NRK: variants seen among roughly 807,000 people sequenced by gnomAD.
NRK encodes nik-related protein kinase.
A neutral mutation model predicts 125.2 loss-of-function variants in NRK; 67 were observed. The ratio of observed to expected loss-of-function variants is 0.54; its 90% CI spans 0.44 to 0.66. The LOEUF (loss-of-function observed/expected upper bound fraction) is 0.66. NRK is among the 30% of genes least tolerant of loss of function. The pLI is 0.00. For synonymous variants in NRK, 458 were observed against 429.0 expected (o/e 1.07, Z -0.84); for missense variants, 1,224 against 1,192.9 (o/e 1.03, Z -0.38).
Position 105,898,599 on chromosome X carries a change from G to A in NRK, c.596G>A (p.Ser199Asn). 1 of 1,199,450 alleles carries A rather than the reference G, an allele frequency of 8.3e-7. No individual in the cohort carries two copies. Residue 199 changes from serine to asparagine, a missense_variant, in exon 8 of 29, where the codon AGT becomes AAT. Ser to Asn is a conservative substitution (Grantham distance 46). Coordinates refer to ENST00000243300, the MANE Select transcript of NRK (RefSeq NM_198465.4). Reference protein sequence around the residue: ...AEVKLVDFGVSAQVSRTNGRR... With the variant: ...AEVKLVDFGVNAQVSRTNGRR... ...TTTTTGGCAGTTGATTTTGGAGTGA[G>A]TGCCCAGGTGAGCAGAACTAATGGA... is the stretch of plus-strand genomic sequence containing the variant.
chrX:105,864,020 TA>T (rs1178319959), intron 2 of NRK, among the ~76,000 whole-genome samples: 1 of 112,448 alleles, frequency 8.9e-6, no homozygotes, highest in East Asian at 2.8e-4. Context: ...ATGAAAATAA[TA>T]AAAAGTTGTA....
chrX:105,877,276 C>T (rs1357853127), intron 2 of NRK, among the ~76,000 whole-genome samples: 2 of 111,545 alleles, frequency 1.8e-5, no homozygotes, highest in Non-Finnish European at 3.8e-5. Context: ...ACAGGAAAGA[C>T]TGAGGACTTG....
chrX:105,931,088 G>C (rs990512802), intron 19 of NRK, among the ~76,000 whole-genome samples: 1 of 112,613 alleles, frequency 8.9e-6, no homozygotes, highest in Non-Finnish European at 1.9e-5. Flanking sequence ...CTGCTGAGCT[G>C]TTTCTCTGGC....
chrX:105,935,895 G>A (rs1262994743), intron 21 of NRK, among the ~76,000 whole-genome samples: 1 of 108,881 alleles, frequency 9.2e-6, no homozygotes, highest in Non-Finnish European at 1.9e-5. Context: ...TTAGGGTAGT[G>A]TTCAACATGT....
Position 105,906,501 on chromosome X carries a change from A to G in NRK, c.933A>G (p.Pro311=), listed in dbSNP as rs762441833. Residue 311 remains proline, a synonymous_variant, in exon 11 of 29, where the codon CCA becomes CCG. Transcript: ENST00000243300. ...RPTSANMLQH[P]FVRDIKNERH... is the part of the protein sequence containing the mutation. Reference sequence around the variant, plus strand: ...CTTCTGCAAACATGCTTCAACACCCATTTGTTCGGGATATAAAAAATGAAC... The same window carrying G: ...CTTCTGCAAACATGCTTCAACACCCGTTTGTTCGGGATATAAAAAATGAAC... 1.3e-4 allele frequency: 150 copies of G among 1,160,970 alleles called. No homozygotes were observed. The highest frequency in any genetic ancestry group is 1.7e-4 in the Non-Finnish European group (143 of 859,697).
intron 26 of NRK, among the ~76,000 whole-genome samples, chrX:105,947,316 G>A (rs921876517): frequency 2.6e-5 from 2 of 76,518 alleles, no homozygotes; most frequent in African/African-American, 1.6e-4. Context: ...AGTGGCGGGC[G>A]CCTGTAGTCC....
chrX:105,899,733 C>A (rs1004213017), intron 8 of NRK, among the ~76,000 whole-genome samples: 1 of 111,229 alleles, frequency 9.0e-6, no homozygotes, highest in Non-Finnish European at 1.9e-5. Flanking sequence ...AGTTAACCTC[C>A]GAGGCCGCAG....
At chrX:105,940,830 G>A (rs184323490) in intron 23 of NRK, among the ~76,000 whole-genome samples, 2 of 111,550 alleles carry the variant, frequency 1.8e-5, no homozygotes, top group Admixed American at 9.5e-5. Flanking sequence ...GCATAGGTGA[G>A]AAATAGCTGG....
At chrX:105,874,679 A>G (rs2039790621) in intron 2 of NRK, among the ~76,000 whole-genome samples, 2 of 112,031 alleles carry the variant, frequency 1.8e-5, no homozygotes, top group Admixed American at 1.9e-4. Context: ...TGTGAGCAGT[A>G]TCTTAAATTC....
chrX:105,895,292 T>C, intron 6 of NRK, 141 bp from the exon 7 acceptor site: 1 of 548,009 alleles, frequency 1.8e-6, no homozygotes, highest in Middle Eastern at 3.1e-4. Flanking sequence ...AAAGAAAGAA[T>C]TGTGTCTGAA....
intron 19 of NRK, among the ~76,000 whole-genome samples, chrX:105,925,956 A>G (rs1328270930): frequency 1.8e-5 from 2 of 110,658 alleles, no homozygotes; most frequent in Non-Finnish European, 3.8e-5. Context: ...TTTTTTTGAG[A>G]TATGTACCTA....
At chrX:105,900,440 C>T (rs1404682471) in intron 8 of NRK, among the ~76,000 whole-genome samples, 178 bp from the exon 9 acceptor site, 1 of 111,722 alleles carries the variant, frequency 9.0e-6, no homozygotes, top group Non-Finnish European at 1.9e-5. Flanking sequence ...ACTGGCTGGT[C>T]AGTAGCTCAG....
At chrX:105,901,836 A>G (rs1338936073) in intron 9 of NRK, among the ~76,000 whole-genome samples, 1 of 111,001 alleles carries the variant, frequency 9.0e-6, no homozygotes, top group Non-Finnish European at 1.9e-5. Context: ...TACATACGAC[A>G]CATATATAAA....
chrX:105,846,671 T>A (rs771564231), intron 2 of NRK, among the ~76,000 whole-genome samples: 1 of 111,436 alleles, frequency 9.0e-6, no homozygotes, highest in Non-Finnish European at 1.9e-5. Flanking sequence ...AGAAACAACG[T>A]CACCATCTCT....
At chrX:105,874,696 A>G (rs906029529) in intron 2 of NRK, among the ~76,000 whole-genome samples, 2 of 111,905 alleles carry the variant, frequency 1.8e-5, no homozygotes, top group Non-Finnish European at 3.8e-5. Context: ...ATTCAGGGAC[A>G]TGCAACATAT....
intron 2 of NRK, among the ~76,000 whole-genome samples, chrX:105,871,183 G>T (rs957095045): frequency 9.0e-6 from 1 of 111,431 alleles, no homozygotes; most frequent in Non-Finnish European, 1.9e-5. Context: ...AAGAGCCTTG[G>T]CACTTCGATT....
At chrX:105,870,977 G>A (rs2039738903) in intron 2 of NRK, among the ~76,000 whole-genome samples, 1 of 111,175 alleles carries the variant, frequency 9.0e-6, no homozygotes, top group Non-Finnish European at 1.9e-5. Context: ...TAATTTAGGG[G>A]TATGTTAAGA....
intron 2 of NRK, among the ~76,000 whole-genome samples, chrX:105,844,011 G>GTGTGTGTGTGTGTGTC (rs1569290019): frequency 3.9e-4 from 34 of 87,220 alleles, no homozygotes; most frequent in African/African-American, 1.6e-3. Context: ...GTGTGTGTGT[G>GTGTGTGTGTGTGTGTC]TGTGTGTCTG....
intron 8 of NRK, among the ~76,000 whole-genome samples, chrX:105,900,151 T>TACACACACACACACAC (rs202022404): frequency 1.1e-5 from 1 of 89,398 alleles, no homozygotes; most frequent in East Asian, 3.8e-4. Flanking sequence ...ACTGCTGAAG[T>TACACACACACACACAC]ACACACACAC....
Sources: gnomAD v4.1 joint callset for allele counts (sites outside exome capture counted in the v4.1 genomes callset) on GRCh38, gnomAD v4.1.1 for gene constraint, MANE v1.5 for transcripts, NCBI Gene and HGNC (gene_info 2026-07-23, HGNC 2026-07-21) for gene names.